Variants in RNF6 observed in about 807,000 individuals in gnomAD.
The protein encoded by RNF6 is ring finger protein 6, also known as E3 ubiquitin-protein ligase RNF6.
RNF6 carries 21 observed loss-of-function variants against 50.1 expected under a neutral mutation model. That is an observed-to-expected ratio of 0.42 (90% confidence interval 0.30 to 0.60). The LOEUF is 0.60. Among genes scored for constraint, RNF6 ranks in the 20% least tolerant of loss-of-function variants. The pLI is 0.20. For synonymous variants in RNF6, 255 were observed against 291.8 expected (o/e 0.87, Z 1.29); for missense variants, 698 against 838.2 (o/e 0.83, Z 2.07).
At chr13:26,208,025 A>T (rs938332118), downstream of RNF6, among the ~76,000 whole-genome samples, 1 of 152,240 alleles carries the variant, frequency 6.6e-6, no homozygotes, top group African/African-American at 2.4e-5. Context: ...CCTAGTAGAC[A>T]TTAACTAAGG....
chr13:26,177,223 A>G (rs558672678), intron 5 of RNF6, among the ~76,000 whole-genome samples: 117 of 152,290 alleles, frequency 7.7e-4, no homozygotes, highest in African/African-American at 2.6e-3. Context: ...AGCCCTAGGA[A>G]AGTGAGAGAA....
intron 5 of RNF6, among the ~76,000 whole-genome samples, chr13:26,143,969 C>T (rs1871097942): frequency 1.3e-5 from 2 of 152,174 alleles, no homozygotes; most frequent in African/African-American, 4.8e-5. Flanking sequence ...AAAGCCATGT[C>T]CAGAATGTCT....
chr13:26,221,823 C>T (rs1050628868), intron 1 of RNF6, 180 bp downstream of exon 1: 3 of 152,226 alleles, frequency 2.0e-5, no homozygotes, highest in African/African-American at 7.2e-5. Flanking sequence ...CCTTAGAGAC[C>T]TAGATTCTCA....
chr13:26,199,289 C>T (rs991315383), intron 5 of RNF6, among the ~76,000 whole-genome samples: 1 of 152,156 alleles, frequency 6.6e-6, no homozygotes, highest in Non-Finnish European at 1.5e-5. Flanking sequence ...AGTCTTTTAA[C>T]ATATGCTGCT....
intron 5 of RNF6, among the ~76,000 whole-genome samples, chr13:26,161,905 T>C (rs991352790): frequency 6.6e-6 from 1 of 152,230 alleles, no homozygotes; most frequent in Non-Finnish European, 1.5e-5. Flanking sequence ...GGGAATCCAA[T>C]GTCATGTTGT....
chr13:26,188,533 C>T (rs1873660468), intron 5 of RNF6, among the ~76,000 whole-genome samples: 1 of 148,400 alleles, frequency 6.7e-6, no homozygotes, highest in African/African-American at 2.5e-5. Context: ...GCAGGTGACA[C>T]ACAGAAGTGA....
downstream of RNF6, among the ~76,000 whole-genome samples, chr13:26,212,478 A>G (rs1869369574): frequency 6.6e-6 from 1 of 152,298 alleles, no homozygotes; most frequent in Non-Finnish European, 1.5e-5. Context: ...AGATATTTCT[A>G]AATCTCACAG....
At chr13:26,159,624 CAAAA>C in intron 5 of RNF6, among the ~76,000 whole-genome samples, 1 of 143,146 alleles carries the variant, frequency 7.0e-6, no homozygotes, top group East Asian at 2.0e-4. Context: ...AACTCCATCT[CAAAA>C]AAAAAAATTA....
intron 5 of RNF6, among the ~76,000 whole-genome samples, chr13:26,186,334 A>C (rs541867149): frequency 8.5e-5 from 13 of 152,352 alleles, no homozygotes; most frequent in African/African-American, 2.9e-4. Context: ...AAAAACCCAG[A>C]CCGGGAGGCC....
At chr13:26,195,721 T>G (rs1425083191) in intron 5 of RNF6, among the ~76,000 whole-genome samples, 1 of 152,206 alleles carries the variant, frequency 6.6e-6, no homozygotes, top group Non-Finnish European at 1.5e-5. Context: ...CAAGTATATC[T>G]GTCTCCAGAG....
intron 5 of RNF6, among the ~76,000 whole-genome samples, chr13:26,181,208 G>A (rs1873223584): frequency 6.6e-6 from 1 of 152,190 alleles, no homozygotes; most frequent in African/African-American, 2.4e-5. Context: ...GGAAAGCATG[G>A]CTTCCAGATT....
rs547676121 is a variant in RNF6 at position 26,153,167 on chromosome 13, A to AG, written n.769-20717_769-20716insC. 3.8e-4 allele frequency among the ~76,000 whole-genome samples: 58 copies of AG among 150,918 alleles called. No individual in the cohort carries two copies. In the East Asian group the frequency reaches 4.3e-3, roughly 11 times the overall value. On this transcript the variant is annotated intron_variant and non_coding_transcript_variant, in intron 5 of 5. Coordinates refer to the RNF6 transcript ENST00000468480. ...GACTCTGTCTCAAGAAAAGAAAAAAAAAAGAAAAGACTAAAGATGTAAGAT... is the reference window on the plus strand; with the variant it reads ...GACTCTGTCTCAAGAAAAGAAAAAAAGAAAGAAAAGACTAAAGATGTAAGAT...
At chr13:26,158,134 G>A (rs1159295645) in intron 5 of RNF6, among the ~76,000 whole-genome samples, 2 of 152,172 alleles carry the variant, frequency 1.3e-5, no homozygotes, top group African/African-American at 4.8e-5. Context: ...GTAGGAGAGA[G>A]GAGCCAGGGA....
At chr13:26,148,595 G>A (rs1421971104) in intron 5 of RNF6, among the ~76,000 whole-genome samples, 1 of 129,842 alleles carries the variant, frequency 7.7e-6, no homozygotes, top group East Asian at 2.3e-4. Flanking sequence ...ATTAGTCTGT[G>A]TTCTCCAGAG....
chr13:26,163,135 CCTGT>C (rs1013792598), intron 5 of RNF6, among the ~76,000 whole-genome samples: 25 of 151,802 alleles, frequency 1.6e-4, no homozygotes, highest in African/African-American at 4.6e-4. Flanking sequence ...ACGGTGAAAC[CCTGT>C]CTCTCTACTA....
intron 5 of RNF6, among the ~76,000 whole-genome samples, chr13:26,175,622 C>T (rs540872118): frequency 1.3e-5 from 2 of 152,100 alleles, no homozygotes; most frequent in Non-Finnish European, 2.9e-5. Flanking sequence ...GCAGAGGCAC[C>T]GTGGTGCAGG....
At chr13:26,190,864 G>T (rs1868425725) in intron 5 of RNF6, among the ~76,000 whole-genome samples, 1 of 152,144 alleles carries the variant, frequency 6.6e-6, no homozygotes, top group Admixed American at 6.5e-5. Flanking sequence ...GGATTCATGG[G>T]TTCATCATCA....
intron 5 of RNF6, among the ~76,000 whole-genome samples, chr13:26,168,303 G>C (rs574728724): frequency 6.6e-6 from 1 of 152,280 alleles, no homozygotes; most frequent in South Asian, 2.1e-4. Context: ...CTATGAACAG[G>C]AATAAGTGAG....
rs370235790 is a variant in RNF6 at position 26,202,668 on chromosome 13, C to T, written n.768+12806G>A. On this transcript the variant is annotated intron_variant and non_coding_transcript_variant, in intron 5 of 5. Transcript: ENST00000468480. ...AACAAAATGAAAATAAAACTTTTAACTGATCCCCAGAAGAACAGACTCTTC... is the reference window on the plus strand; with the variant it reads ...AACAAAATGAAAATAAAACTTTTAATTGATCCCCAGAAGAACAGACTCTTC... 2.7e-3 allele frequency among the ~76,000 whole-genome samples: 410 copies of T among 152,294 alleles called. 1 individual carries two copies. The highest frequency in any genetic ancestry group is 9.3e-3 in the African/African-American group (385 of 41,564).
Sources: allele counts gnomAD v4.1 joint callset (sites outside exome capture counted in the v4.1 genomes callset), GRCh38; gene constraint gnomAD v4.1.1; transcripts MANE v1.5; gene names NCBI Gene and HGNC (gene_info 2026-07-23, HGNC 2026-07-21).